GRIN2B: variants seen among roughly 807,000 people sequenced by gnomAD.
GRIN2B encodes the protein glutamate ionotropic receptor NMDA type subunit 2B, also known as glutamate receptor ionotropic, NMDA 2B.
GRIN2B carries 5 observed loss-of-function variants against 114.5 expected under a neutral mutation model. The ratio of observed to expected loss-of-function variants is 0.04; its 90% CI spans 0.02 to 0.09. The LOEUF (loss-of-function observed/expected upper bound fraction) is 0.09, where lower values mean the gene tolerates loss of function less well. Ranked by LOEUF, GRIN2B falls within the 10% of genes least tolerant of loss-of-function variation. GRIN2B has a pLI of 1.00. For synonymous variants in GRIN2B, 787 were observed against 745.1 expected (o/e 1.06, Z -0.92); for missense variants, 1,108 against 1,943.5 (o/e 0.57, Z 8.08).
intron 2 of GRIN2B, among the ~76,000 whole-genome samples, chr12:13,961,866 CAT>C (rs1332136615): frequency 6.6e-6 from 1 of 152,060 alleles, no homozygotes; most frequent in African/African-American, 2.4e-5. Context: ...GGCTCAGGCA[CAT>C]ATGAGACAAA....
At chr12:13,698,230 C>T (rs1261863982) in intron 4 of GRIN2B, among the ~76,000 whole-genome samples, 1 of 152,188 alleles carries the variant, frequency 6.6e-6, no homozygotes, top group Non-Finnish European at 1.5e-5. Context: ...GGGCGCGGGG[C>T]GCGGGGAGCG....
At chr12:13,914,319 C>G (rs948382774) in intron 2 of GRIN2B, among the ~76,000 whole-genome samples, 1 of 152,152 alleles carries the variant, frequency 6.6e-6, no homozygotes, top group African/African-American at 2.4e-5. Context: ...TACTTAATGC[C>G]TCTTAGTCTC....
intron 10 of GRIN2B, among the ~76,000 whole-genome samples, chr12:13,604,864 T>C (rs1270938505): frequency 1.3e-5 from 2 of 152,234 alleles, no homozygotes; most frequent in African/African-American, 4.8e-5. Flanking sequence ...ATGTAAATCA[T>C]GTTGACAGAT....
rs763469464 is a variant in GRIN2B, at chr12:13,866,046, C to T, written c.163G>A (p.Glu55Lys). 17 of 1,614,046 alleles carry T rather than the reference C, an allele frequency of 1.1e-5. No homozygotes were observed. The highest frequency in any genetic ancestry group is 1.3e-5 in the Non-Finnish European group (15 of 1,179,968). The change falls in exon 3 of 14, where the codon GAG becomes AAG. Residue 55 changes from glutamate to lysine, a missense_variant. Transcript: ENST00000609686. ...SDEVAIKDAH[E>K]KDDFHHLSVV... The stretch of plus-strand genomic sequence containing the variant: ...GAGAGATGGTGGAAATCATCTTTCT[C>T]GTGGGCATCCTTGATGGCCACCTCG...
Position 13,547,981 on chromosome 12 carries a change from A to ATATATATATATATTTTT in GRIN2B, c.*14801_*14802insAAAAATATATATATATA. ...TGTGTATATATATATATATATATAT[A>ATATATATATATATTTTT]TTTTTTTTTTTTTTCTGAAAGCTAC... On this transcript the variant is annotated 3_prime_UTR_variant, in exon 14 of 14. Coordinates refer to ENST00000609686, the MANE Select transcript of GRIN2B (RefSeq NM_000834.5). 2.5e-4 allele frequency: 17 copies of ATATATATATATATTTTT among 68,572 alleles called. No individual in the cohort carries two copies. Among genetic ancestry groups the ATATATATATATATTTTT allele is most frequent in the Non-Finnish European group, 4.1e-4 (14 of 34,382 alleles). 4.2% of individuals were successfully genotyped at this position (68,572 alleles called of 1,614,324 possible).
intron 10 of GRIN2B, among the ~76,000 whole-genome samples, chr12:13,589,202 T>C (rs1050702414): frequency 3.3e-5 from 5 of 152,242 alleles, no homozygotes; most frequent in African/African-American, 4.8e-5. Context: ...TGTTGTTATA[T>C]ACTAGGTATT....
At chr12:13,699,611 T>C (rs1950292156) in intron 4 of GRIN2B, among the ~76,000 whole-genome samples, 1 of 151,908 alleles carries the variant, frequency 6.6e-6, no homozygotes, top group Admixed American at 6.6e-5. Flanking sequence ...TTTTTTTAGA[T>C]GGAGTCTTGC....
intron 2 of GRIN2B, among the ~76,000 whole-genome samples, chr12:13,901,427 T>C (rs1180791004): frequency 6.6e-6 from 1 of 152,130 alleles, no homozygotes; most frequent in East Asian, 1.9e-4. Context: ...ACCCTGTATA[T>C]ATTTTGGATA....
At chr12:13,767,304 CTCCAGT>C (rs1243319890) in intron 3 of GRIN2B, among the ~76,000 whole-genome samples, 1 of 150,910 alleles carries the variant, frequency 6.6e-6, no homozygotes, top group Non-Finnish European at 1.5e-5. Context: ...AATTTTCCTT[CTCCAGT>C]TCAACTGACT....
At chr12:13,637,210 TTA>T (rs1565484710) in intron 5 of GRIN2B, among the ~76,000 whole-genome samples, 1 of 152,110 alleles carries the variant, frequency 6.6e-6, no homozygotes, top group Admixed American at 6.5e-5. Flanking sequence ...AGATGAGAAA[TTA>T]TATGAGTTTT....
At chr12:13,717,486 C>G (rs1477764833) in intron 4 of GRIN2B, among the ~76,000 whole-genome samples, 1 of 151,912 alleles carries the variant, frequency 6.6e-6, no homozygotes, top group Non-Finnish European at 1.5e-5. Flanking sequence ...GACAACACAG[C>G]AGTATGAACT....
chr12:13,863,009 G>A (rs1057094464), intron 3 of GRIN2B, among the ~76,000 whole-genome samples: 8 of 152,068 alleles, frequency 5.3e-5, no homozygotes, highest in Non-Finnish European at 7.4e-5. Context: ...AGATATTTAC[G>A]CTATTTTAGA....
chr12:13,701,814 C>G (rs1950315757), intron 4 of GRIN2B, among the ~76,000 whole-genome samples: 1 of 152,228 alleles, frequency 6.6e-6, no homozygotes, highest in Non-Finnish European at 1.5e-5. Context: ...TCCACCAATC[C>G]TCCTGAACAC....
chr12:13,639,344 T>A (rs1162161115), intron 5 of GRIN2B, among the ~76,000 whole-genome samples: 3 of 152,140 alleles, frequency 2.0e-5, no homozygotes, highest in Non-Finnish European at 4.4e-5. Context: ...GTAGAGGCAG[T>A]AAAAGCAGTC....
At chr12:13,789,079 T>C (rs1864270699) in intron 3 of GRIN2B, among the ~76,000 whole-genome samples, 1 of 151,784 alleles carries the variant, frequency 6.6e-6, no homozygotes, top group Non-Finnish European at 1.5e-5. Context: ...GTTGTTGTTT[T>C]TTTTCCTATA....
intron 3 of GRIN2B, among the ~76,000 whole-genome samples, chr12:13,754,477 C>T (rs879597560): frequency 3.0e-4 from 45 of 152,142 alleles, no homozygotes; most frequent in Non-Finnish European, 5.3e-4. Flanking sequence ...AACCTATCTA[C>T]GGAGGTGAGA....
intron 2 of GRIN2B, among the ~76,000 whole-genome samples, chr12:13,913,333 G>A (rs115964035): frequency 1.1e-4 from 16 of 152,104 alleles, no homozygotes; most frequent in African/African-American, 3.9e-4. Context: ...GACACTTGTG[G>A]AATGGCTGAC....
At chr12:13,909,364 T>C (rs1168376711) in intron 2 of GRIN2B, among the ~76,000 whole-genome samples, 2 of 152,220 alleles carry the variant, frequency 1.3e-5, no homozygotes, top group Non-Finnish European at 2.9e-5. Flanking sequence ...TAAAAGTCTA[T>C]TGTTTATGTT....
intron 2 of GRIN2B, among the ~76,000 whole-genome samples, chr12:13,928,681 G>A (rs1866963216): frequency 6.6e-6 from 1 of 152,216 alleles, no homozygotes; most frequent in African/African-American, 2.4e-5. Context: ...GATGATGGAA[G>A]GTTACACAAT....
Sources: gnomAD v4.1 joint callset for allele counts (sites outside exome capture counted in the v4.1 genomes callset) on GRCh38, gnomAD v4.1.1 for gene constraint, MANE v1.5 for transcripts, NCBI Gene and HGNC (gene_info 2026-07-23, HGNC 2026-07-21) for gene names.